Variants in BMPR1B observed in about 807,000 individuals in gnomAD.
BMPR1B encodes the protein bone morphogenetic protein receptor type-1B.
BMPR1B carries 12 observed loss-of-function variants against 59.1 expected under a neutral mutation model. The ratio of observed to expected loss-of-function variants is 0.20; its 90% CI spans 0.13 to 0.33. The LOEUF (loss-of-function observed/expected upper bound fraction) is 0.33. BMPR1B is among the 10% of genes least tolerant of loss of function. The pLI is 1.00. For missense variants in BMPR1B, 550 were observed against 610.9 expected (o/e 0.90, Z 1.05); for synonymous variants, 237 against 207.3 (o/e 1.14, Z -1.23).
chr4:94,875,576 T>C (rs1022622912), intron 1 of BMPR1B, among the ~76,000 whole-genome samples: 2 of 151,914 alleles, frequency 1.3e-5, no homozygotes, highest in Admixed American at 6.6e-5. Flanking sequence ...CCCTGCTACT[T>C]GGGAGGCTGA....
At chr4:95,000,483 C>T (rs934196868) in intron 3 of BMPR1B, among the ~76,000 whole-genome samples, 18 of 149,956 alleles carry the variant, frequency 1.2e-4, no homozygotes, top group African/African-American at 4.0e-4. Context: ...TCCAGCCTGG[C>T]GACAGAGCAA....
chr4:95,130,578 A>G (rs902872975), intron 9 of BMPR1B, among the ~76,000 whole-genome samples: 8 of 152,156 alleles, frequency 5.3e-5, no homozygotes, highest in Admixed American at 2.0e-4. Context: ...CCATAATACC[A>G]TAAAGTAGTT....
intron 3 of BMPR1B, among the ~76,000 whole-genome samples, chr4:95,009,808 G>C (rs929137170): frequency 6.6e-6 from 1 of 152,146 alleles, no homozygotes; most frequent in Non-Finnish European, 1.5e-5. Flanking sequence ...TGTGTGAACT[G>C]TAACAAATTA....
At chr4:95,127,040 A>C (rs1335073897) in intron 8 of BMPR1B, among the ~76,000 whole-genome samples, 1 of 69,890 alleles carries the variant, frequency 1.4e-5, no homozygotes, top group Non-Finnish European at 3.7e-5. Context: ...TGTAAGAATT[A>C]AGACTGTGTG....
chr4:94,984,640 G>A (rs1389252461), intron 2 of BMPR1B, among the ~76,000 whole-genome samples: 7 of 152,100 alleles, frequency 4.6e-5, no homozygotes, highest in Admixed American at 4.6e-4. Context: ...TATTTTTATC[G>A]TGTTTTTAAA....
At chr4:94,821,370 G>A (rs1283513863) in intron 1 of BMPR1B, among the ~76,000 whole-genome samples, 2 of 152,168 alleles carry the variant, frequency 1.3e-5, no homozygotes, top group East Asian at 1.9e-4. Flanking sequence ...AATAATATTA[G>A]CGAAGTTTTC....
rs28657448 is a variant in BMPR1B at position 94,905,247 on chromosome 4, T to A, written c.-113+29347T>A. ...CTTTTATTCAAAAAATAGCAAATTA[T>A]GTTTTATTTTTCACTGGACTGCTTT... On this transcript the variant is annotated intron_variant, in intron 2 of 12. Coordinates refer to ENST00000515059, the MANE Select transcript of BMPR1B (RefSeq NM_001203.3). 7.4e-3 allele frequency among the ~76,000 whole-genome samples: 1,125 copies of A among 152,166 alleles called. 17 individuals carry two copies. Among genetic ancestry groups the A allele is most frequent in the African/African-American group, 0.026 (1,078 of 41,564 alleles).
chr4:94,775,207 G>C (rs892572746), intron 1 of BMPR1B, among the ~76,000 whole-genome samples: 3 of 152,082 alleles, frequency 2.0e-5, no homozygotes, highest in South Asian at 2.1e-4. Flanking sequence ...CATAATAGTT[G>C]TTCAATAAAT....
intron 3 of BMPR1B, among the ~76,000 whole-genome samples, chr4:95,061,579 C>T (rs1035471185): frequency 9.2e-5 from 14 of 152,280 alleles, no homozygotes; most frequent in Middle Eastern, 6.8e-3. Context: ...TTTTTATTAT[C>T]TACTTTTGTT....
chr4:94,888,181 T>G (rs1037943667), intron 2 of BMPR1B, among the ~76,000 whole-genome samples: 3 of 152,090 alleles, frequency 2.0e-5, no homozygotes, highest in Admixed American at 1.3e-4. Context: ...AGAAAAGTAG[T>G]TTTCAACATG....
intron 1 of BMPR1B, among the ~76,000 whole-genome samples, chr4:94,849,430 A>G (rs903351469): frequency 6.6e-6 from 1 of 152,168 alleles, no homozygotes; most frequent in Admixed American, 6.5e-5. Flanking sequence ...TATAGGCAGC[A>G]GATTTAGACC....
chr4:95,124,465 A>G (rs183713409), intron 7 of BMPR1B, among the ~76,000 whole-genome samples: 1 of 152,164 alleles, frequency 6.6e-6, no homozygotes, highest in East Asian at 1.9e-4. Context: ...TACTCTGCAA[A>G]TGGTCAGATT....
At chr4:94,883,343 A>C (rs1418804304) in intron 2 of BMPR1B, among the ~76,000 whole-genome samples, 1 of 152,184 alleles carries the variant, frequency 6.6e-6, no homozygotes, top group Non-Finnish European at 1.5e-5. Flanking sequence ...AAGACAAAAC[A>C]GAGTTTTTGC....
chr4:94,939,539 G>GTAAA (rs1453992976), intron 2 of BMPR1B, among the ~76,000 whole-genome samples: 40 of 152,124 alleles, frequency 2.6e-4, no homozygotes, highest in Non-Finnish European at 5.0e-4. Context: ...GCTTGATTTT[G>GTAAA]TCAGGTTTGT....
intron 2 of BMPR1B, among the ~76,000 whole-genome samples, chr4:94,950,873 G>T (rs180971716): frequency 1.3e-5 from 2 of 151,286 alleles, no homozygotes; most frequent in Admixed American, 6.6e-5. Flanking sequence ...CTATAAATTG[G>T]TATGGCCATT....
At chr4:95,138,805 C>T (rs973438625) in intron 10 of BMPR1B, among the ~76,000 whole-genome samples, 4 of 152,126 alleles carry the variant, frequency 2.6e-5, no homozygotes, top group African/African-American at 7.2e-5. Flanking sequence ...GTTAGCCATT[C>T]GTCTAATCTT....
chr4:95,151,744 C>G (rs946633605), intron 11 of BMPR1B, among the ~76,000 whole-genome samples: 1 of 152,118 alleles, frequency 6.6e-6, no homozygotes, highest in Non-Finnish European at 1.5e-5. Context: ...ACGGCATCAT[C>G]TTTTTCAGAT....
intron 1 of BMPR1B, among the ~76,000 whole-genome samples, chr4:94,811,897 G>A (rs142689730): frequency 2.1e-4 from 32 of 152,306 alleles, no homozygotes; most frequent in African/African-American, 7.5e-4. Flanking sequence ...ATTCTGCGAT[G>A]TGGAAATTTA....
At chr4:94,814,376 A>G (rs922398806) in intron 1 of BMPR1B, among the ~76,000 whole-genome samples, 7 of 152,334 alleles carry the variant, frequency 4.6e-5, no homozygotes, top group Non-Finnish European at 5.9e-5. Context: ...CATTATGCTT[A>G]CTAATTGTTG....
Sources: gnomAD v4.1 joint callset for allele counts (sites outside exome capture counted in the v4.1 genomes callset) on GRCh38, gnomAD v4.1.1 for gene constraint, MANE v1.5 for transcripts, NCBI Gene and HGNC (gene_info 2026-07-23, HGNC 2026-07-21) for gene names.